ARHGAP26: variants seen among roughly 807,000 people sequenced by gnomAD.
The protein encoded by ARHGAP26 is Rho GTPase activating protein 26, also known as rho GTPase-activating protein 26.
A neutral mutation model predicts 104.8 loss-of-function variants in ARHGAP26; 38 were observed. That is an observed-to-expected ratio of 0.36 (90% confidence interval 0.28 to 0.48). The LOEUF is 0.48. ARHGAP26 is among the 20% of genes least tolerant of loss of function. ARHGAP26 has a pLI of 0.99. For missense variants in ARHGAP26, 704 were observed against 947.9 expected, an observed-to-expected ratio of 0.74 and a Z score of 3.38; for synonymous variants, 341 against 340.0, an observed-to-expected ratio of 1.00 and a Z score of -0.03.
At chr5:142,855,489 C>T (rs542756111) in intron 1 of ARHGAP26, among the ~76,000 whole-genome samples, 9 of 152,220 alleles carry the variant, frequency 5.9e-5, no homozygotes, top group Non-Finnish European at 1.0e-4. Flanking sequence ...TATCCATCCA[C>T]CCTTCCATCT....
At chr5:143,124,117 A>C (rs1166465440) in intron 18 of ARHGAP26, among the ~76,000 whole-genome samples, 1 of 152,254 alleles carries the variant, frequency 6.6e-6, no homozygotes, top group Non-Finnish European at 1.5e-5. Flanking sequence ...GCTTGAAACA[A>C]GCCCTACTAC....
intron 11 of ARHGAP26, among the ~76,000 whole-genome samples, chr5:142,975,744 T>G (rs1772980949): frequency 6.6e-6 from 1 of 152,200 alleles, no homozygotes; most frequent in African/African-American, 2.4e-5. Flanking sequence ...CTGAGATTAC[T>G]TAATAAAGGA....
intron 17 of ARHGAP26, among the ~76,000 whole-genome samples, chr5:143,111,320 C>T (rs1476629907): frequency 6.6e-6 from 1 of 152,196 alleles, no homozygotes; most frequent in African/African-American, 2.4e-5. Flanking sequence ...CTGTCAGTCT[C>T]TCTCTCTCTC....
intron 11 of ARHGAP26, among the ~76,000 whole-genome samples, chr5:142,987,658 GAGAT>G (rs1201273167): frequency 6.6e-6 from 1 of 152,104 alleles, no homozygotes; most frequent in Non-Finnish European, 1.5e-5. Context: ...TTATTATTTT[GAGAT>G]ATGTCCCATC....
In ARHGAP26 at chr5:142,890,154, ATATATATATATAT is replaced by A. The variant is rs1758416337; in HGVS notation, c.487-4083_487-4071del. On this transcript the variant is annotated intron_variant, in intron 5 of 22. Transcript: ENST00000645722. The stretch of plus-strand genomic sequence containing the variant: ...TCCGTCTTAAAAAAAAAAAAAAAAT[ATATATATATATAT>A]ATATATATATATATATATATATATA... 4.3e-4 allele frequency among the ~76,000 whole-genome samples: 20 copies of A among 46,216 alleles called. 1 individual carries two copies. Among genetic ancestry groups the A allele is most frequent in the African/African-American group, 1.2e-3 (12 of 9,852 alleles). The allele number at this position is 46,216 out of a possible 152,430, so 30.3% of individuals were successfully genotyped here.
At chr5:142,898,771 T>C (rs1460489949) in intron 6 of ARHGAP26, among the ~76,000 whole-genome samples, 1 of 152,218 alleles carries the variant, frequency 6.6e-6, no homozygotes, top group Non-Finnish European at 1.5e-5. Flanking sequence ...GGGAGTTATG[T>C]GGCTTAGCCC....
chr5:142,906,516 GTCTA>G (rs908017313), intron 8 of ARHGAP26, among the ~76,000 whole-genome samples: 1 of 152,070 alleles, frequency 6.6e-6, no homozygotes, highest in Non-Finnish European at 1.5e-5. Context: ...CCTTCCTACT[GTCTA>G]TCCATCCATC....
intron 14 of ARHGAP26, among the ~76,000 whole-genome samples, chr5:143,045,378 G>T (rs141099038): frequency 2.0e-5 from 3 of 152,114 alleles, no homozygotes; most frequent in African/African-American, 7.2e-5. Context: ...TTCTCCCTAC[G>T]AGTTAAATAA....
chr5:143,198,696 A>G (rs1316167075), intron 20 of ARHGAP26, among the ~76,000 whole-genome samples: 1 of 152,238 alleles, frequency 6.6e-6, no homozygotes, highest in Non-Finnish European at 1.5e-5. Context: ...AGGATGATGT[A>G]TGCGCTATTC....
chr5:142,770,869 C>T lies in ARHGAP26; in HGVS notation c.108C>T (p.Ile36=). The T allele has an allele frequency of 1.9e-6, 3 of 1,611,652 alleles. No homozygotes were observed. The highest frequency in any genetic ancestry group is 2.5e-6 in the Non-Finnish European group (3 of 1,178,782). ...EAELDKTNKF[I]KELIKDGKSL... is the part of the protein sequence containing the mutation. ...AGCTGGACAAGACCAACAAATTCAT[C>T]AAGGAGCTCATCAAGGACGGGAAGT... Residue 36 remains isoleucine (I), a synonymous_variant, in exon 1 of 23, where the codon ATC becomes ATT. Coordinates refer to ENST00000645722, the MANE Select transcript of ARHGAP26 (RefSeq NM_001135608.3).
In ARHGAP26 at chr5:142,997,902, C is replaced by G. The variant is rs78846184; in HGVS notation, c.1108-16178C>G. Among the ~76,000 whole-genome samples the G allele has an allele frequency of 2.6e-5, 4 of 152,240 alleles. No homozygotes were observed. The East Asian group carries it at 7.7e-4, about 29-fold the overall frequency. ...ACTTGTGAGATGAACTTTGTTCAAG[C>G]ATAAATTATAATGCAGATGGATATG... On this transcript the variant is annotated intron_variant, in intron 11 of 22. Coordinates refer to ENST00000645722, the MANE Select transcript of ARHGAP26 (RefSeq NM_001135608.3).
intron 1 of ARHGAP26, among the ~76,000 whole-genome samples, chr5:142,781,612 G>C (rs905996843): frequency 6.6e-6 from 1 of 152,206 alleles, no homozygotes; most frequent in Non-Finnish European, 1.5e-5. Context: ...GCAGGAGGCT[G>C]TGTGCCAGGG....
intron 14 of ARHGAP26, among the ~76,000 whole-genome samples, chr5:143,044,242 G>A (rs769070406): frequency 7.9e-5 from 12 of 152,150 alleles, no homozygotes; most frequent in Non-Finnish European, 1.5e-4. Context: ...CAAGACAGAA[G>A]CATGGCAGAG....
chr5:143,063,995 G>A (rs1787121234), intron 17 of ARHGAP26, among the ~76,000 whole-genome samples: 1 of 152,160 alleles, frequency 6.6e-6, no homozygotes, highest in Non-Finnish European at 1.5e-5. Flanking sequence ...AGTTACAAAC[G>A]AAGCCCATGG....
chr5:143,150,395 T>G (rs258799), intron 20 of ARHGAP26, among the ~76,000 whole-genome samples: 89,237 of 152,048 alleles, frequency 0.59, 26,520 homozygotes, highest in East Asian at 0.79. Context: ...TCATAATGTG[T>G]TCAGAGTTCA....
At chr5:143,040,417 C>CA (rs1783284370) in intron 13 of ARHGAP26, among the ~76,000 whole-genome samples, 1 of 149,644 alleles carries the variant, frequency 6.7e-6, no homozygotes, top group Non-Finnish European at 1.5e-5. Flanking sequence ...TGTGTTTTGG[C>CA]CCCCAAGTAT....
chr5:142,987,768 CTTTGG>C (rs1000158215), intron 11 of ARHGAP26, among the ~76,000 whole-genome samples: 2 of 152,040 alleles, frequency 1.3e-5, no homozygotes, highest in Admixed American at 1.3e-4. Flanking sequence ...TGGTTTTTGT[CTTTGG>C]TTCTGTTTAT....
intron 4 of ARHGAP26, among the ~76,000 whole-genome samples, chr5:142,879,899 T>C (rs1371663533): frequency 6.6e-6 from 1 of 152,226 alleles, no homozygotes; most frequent in Non-Finnish European, 1.5e-5. Context: ...AGGAGGCAGC[T>C]GGTACTTAGG....
chr5:142,963,198 ATGTGTG>A (rs1217350223), intron 11 of ARHGAP26, among the ~76,000 whole-genome samples: 5 of 98,350 alleles, frequency 5.1e-5, no homozygotes, highest in Non-Finnish European at 7.0e-5. Flanking sequence ...ATATATATAT[ATGTGTG>A]TGTGTGTGTG....
Sources: gnomAD v4.1 joint callset for allele counts (sites outside exome capture counted in the v4.1 genomes callset) on GRCh38, gnomAD v4.1.1 for gene constraint, MANE v1.5 for transcripts, NCBI Gene and HGNC (gene_info 2026-07-23, HGNC 2026-07-21) for gene names.